Variants in C3orf33 observed in about 807,000 individuals in gnomAD.
C3orf33 encodes mitochondrial inner membrane subdomain organizer 1.
In C3orf33, 23 loss-of-function variants were observed where a neutral mutation model predicts 28.7. That is an observed-to-expected ratio of 0.80 (90% confidence interval 0.58 to 1.13). C3orf33 has a LOEUF of 1.13. Among genes scored for constraint, C3orf33 ranks in the 50% most tolerant of loss-of-function variants. The pLI is 0.00. For synonymous variants in C3orf33, 119 were observed against 120.5 expected (o/e 0.99, Z 0.08); for missense variants, 327 against 353.4 (o/e 0.93, Z 0.60).
At chr3:155,769,202 C>T (rs988555063) in intron 3 of C3orf33, among the ~76,000 whole-genome samples, 2 of 151,986 alleles carry the variant, frequency 1.3e-5, no homozygotes, top group East Asian at 1.9e-4. Flanking sequence ...ATCTCAGCTA[C>T]TTTGGAGGCT....
In C3orf33 at chr3:155,793,644, T is replaced by TTTAGTAG. The variant is rs1429703988; in HGVS notation, c.174+8887_174+8888insCTACTAA. Among the ~76,000 whole-genome samples, 22 of 151,486 alleles carry TTTAGTAG rather than the reference T, an allele frequency of 1.5e-4. No homozygotes were observed. The South Asian group carries it at 4.4e-3, about 30-fold the overall frequency. ...GGCCAACATAGCGAAACCCCGTCTC[T>TTTAGTAG]ACTAAAAATACAAAAATTAGCCGGG... is the stretch of plus-strand genomic sequence containing the variant. On this transcript the variant is annotated intron_variant, in intron 2 of 4. Transcript: ENST00000340171.
intron 3 of C3orf33, among the ~76,000 whole-genome samples, chr3:155,769,439 G>A (rs1750510592): frequency 7.0e-6 from 1 of 142,410 alleles, no homozygotes; most frequent in African/African-American, 2.7e-5. Context: ...AGTGAGCCAA[G>A]ATCGCACCAC....
At chr3:155,770,603 T>C (rs1750550061) in intron 3 of C3orf33, among the ~76,000 whole-genome samples, 1 of 152,262 alleles carries the variant, frequency 6.6e-6, no homozygotes, top group Non-Finnish European at 1.5e-5. Context: ...TATAATATGA[T>C]CAACAAGAAT....
At chr3:155,805,688 G>A (rs896070849) in intron 1 of C3orf33, 14 of 455,530 alleles carry the variant, frequency 3.1e-5, no homozygotes, top group African/African-American at 1.8e-4. Flanking sequence ...TCGTGCCACT[G>A]CACTCCAGCT....
chr3:155,798,675 A>G (rs1751550927), intron 2 of C3orf33, among the ~76,000 whole-genome samples: 1 of 152,226 alleles, frequency 6.6e-6, no homozygotes, highest in African/African-American at 2.4e-5. Flanking sequence ...TCCTACAAGA[A>G]AACATTGGGG....
chr3:155,780,098 A>T (rs1750872738), intron 2 of C3orf33, among the ~76,000 whole-genome samples: 1 of 152,244 alleles, frequency 6.6e-6, no homozygotes, highest in South Asian at 2.1e-4. Flanking sequence ...TAAATTATAT[A>T]TCAAAGGGGA....
chr3:155,769,018 A>C (rs1750495203), intron 3 of C3orf33, among the ~76,000 whole-genome samples: 1 of 152,124 alleles, frequency 6.6e-6, no homozygotes, highest in African/African-American at 2.4e-5. Context: ...TCTACTAAAA[A>C]TACAAAAATT....
At chr3:155,790,025 G>T (rs1057318478) in intron 2 of C3orf33, among the ~76,000 whole-genome samples, 1 of 151,926 alleles carries the variant, frequency 6.6e-6, no homozygotes, top group Non-Finnish European at 1.5e-5. Context: ...TTAGCCGGAT[G>T]TAGTGGCGCA....
intron 2 of C3orf33, among the ~76,000 whole-genome samples, chr3:155,781,067 G>A (rs1196193336): frequency 1.3e-5 from 2 of 149,198 alleles, no homozygotes; most frequent in Admixed American, 6.6e-5. Context: ...GCGCAATCTC[G>A]GCTCACTGCA....
intron 2 of C3orf33, among the ~76,000 whole-genome samples, chr3:155,791,929 G>C (rs1412933063): frequency 6.6e-6 from 1 of 151,934 alleles, no homozygotes; most frequent in Non-Finnish European, 1.5e-5. Flanking sequence ...AAGGACACAA[G>C]CCTGGTTGGC....
At chr3:155,774,225 C>T (rs1304277142) in intron 3 of C3orf33, among the ~76,000 whole-genome samples, 2 of 152,082 alleles carry the variant, frequency 1.3e-5, no homozygotes, top group Non-Finnish European at 2.9e-5. Context: ...ATCAGGGGCT[C>T]ACAGTTCAGT....
At chr3:155,796,176 T>C (rs1318663098) in intron 2 of C3orf33, among the ~76,000 whole-genome samples, 2 of 151,806 alleles carry the variant, frequency 1.3e-5, no homozygotes, top group Non-Finnish European at 2.9e-5. Flanking sequence ...ATAAATGAAA[T>C]TGCAGTGAAG....
At chr3:155,805,770 C>A in intron 1 of C3orf33, 1 of 490,936 alleles carries the variant, frequency 2.0e-6, no homozygotes, top group South Asian at 1.7e-5. Flanking sequence ...ATGCTCTCTC[C>A]CAAGGCGTAC....
At chr3:155,800,515 G>A (rs966433112) in intron 2 of C3orf33, among the ~76,000 whole-genome samples, 1 of 144,804 alleles carries the variant, frequency 6.9e-6, no homozygotes, top group African/African-American at 2.5e-5. Context: ...GAGGCATGAG[G>A]ATGAGGATCA....
chr3:155,800,554 G>A (rs949149758), intron 2 of C3orf33, among the ~76,000 whole-genome samples: 1 of 121,280 alleles, frequency 8.2e-6, no homozygotes, highest in Admixed American at 1.2e-4. Flanking sequence ...AGGCTGCAAT[G>A]AGCCATGATC....
At chr3:155,799,323 G>A (rs1400342052) in intron 2 of C3orf33, among the ~76,000 whole-genome samples, 1 of 152,136 alleles carries the variant, frequency 6.6e-6, no homozygotes, top group Non-Finnish European at 1.5e-5. Context: ...TTAATCCCAT[G>A]CTTATCACAG....
At chr3:155,800,430 G>T (rs528283921) in intron 2 of C3orf33, among the ~76,000 whole-genome samples, 2 of 151,222 alleles carry the variant, frequency 1.3e-5, no homozygotes, top group African/African-American at 4.9e-5. Context: ...ACAAAGAGGC[G>T]CCATTGCTAC....
chr3:155,804,091 A>T (rs1299715037), intron 1 of C3orf33: 1 of 329,650 alleles, frequency 3.0e-6, no homozygotes, highest in Non-Finnish European at 5.8e-6. Context: ...CAGGACAATC[A>T]CTTGAACCTG....
intron 4 of C3orf33, among the ~76,000 whole-genome samples, chr3:155,765,887 A>T (rs898430970): frequency 2.2e-4 from 34 of 152,224 alleles, no homozygotes; most frequent in Non-Finnish European, 4.1e-4. Context: ...AAAATACAAG[A>T]TACTTCAATC....
Sources: gnomAD v4.1 joint callset for allele counts (sites outside exome capture counted in the v4.1 genomes callset) on GRCh38, gnomAD v4.1.1 for gene constraint, MANE v1.5 for transcripts, NCBI Gene and HGNC (gene_info 2026-07-23, HGNC 2026-07-21) for gene names.